Variants in PACSIN2 observed in about 807,000 individuals in gnomAD.
PACSIN2 encodes protein kinase C and casein kinase substrate in neurons protein 2.
Under a neutral mutation model 63.8 loss-of-function variants are expected in PACSIN2, and 25 were observed. The ratio of observed to expected loss-of-function variants is 0.39; its 90% CI spans 0.29 to 0.55. The LOEUF is 0.55. Ranked by LOEUF, PACSIN2 falls within the 20% of genes least tolerant of loss-of-function variation. PACSIN2 has a pLI of 0.62. For missense variants in PACSIN2, 518 were observed against 646.9 expected (o/e 0.80, Z 2.16); for synonymous variants, 255 against 256.2 (o/e 1.00, Z 0.05).
rs927478498 is a variant in PACSIN2 at position 42,989,881 on chromosome 22, T to C, written c.-78+25140A>G. 4.0e-5 allele frequency among the ~76,000 whole-genome samples: 6 copies of C among 148,256 alleles called. No homozygotes were observed. In the South Asian group the frequency reaches 1.0e-3, roughly 26 times the overall value. On this transcript the variant is annotated intron_variant, in intron 1 of 10. Transcript: ENST00000263246. ...GGGGAAAAAAAAATATATATATATA[T>C]ATATACACACACACACACATATATG...
chr22:42,974,582 C>G (rs1921551412), intron 1 of PACSIN2, among the ~76,000 whole-genome samples: 1 of 151,928 alleles, frequency 6.6e-6, no homozygotes, highest in African/African-American at 2.4e-5. Flanking sequence ...AACCCTGCCT[C>G]TATTAAAAAT....
intron 2 of PACSIN2, among the ~76,000 whole-genome samples, chr22:42,908,890 G>C (rs893494656): frequency 2.6e-5 from 4 of 152,172 alleles, no homozygotes; most frequent in African/African-American, 9.7e-5. Flanking sequence ...GAGAGGCAGA[G>C]CTGGGGGTGG....
intron 1 of PACSIN2, among the ~76,000 whole-genome samples, chr22:43,012,514 T>C (rs187261399): frequency 3.7e-3 from 564 of 152,232 alleles, no homozygotes; most frequent in Non-Finnish European, 5.8e-3. Flanking sequence ...AGAGTCTCAC[T>C]CTGTCACCCA....
At chr22:42,906,335 C>G (rs1017201155) in intron 2 of PACSIN2, among the ~76,000 whole-genome samples, 4 of 152,258 alleles carry the variant, frequency 2.6e-5, no homozygotes, top group African/African-American at 9.6e-5. Flanking sequence ...GCTCTAATCT[C>G]AACGTCAAAG....
intron 1 of PACSIN2, among the ~76,000 whole-genome samples, chr22:42,969,240 A>G (rs1921060378): frequency 6.6e-6 from 1 of 152,226 alleles, no homozygotes; most frequent in Non-Finnish European, 1.5e-5. Context: ...TATAAACTTA[A>G]AAGTGTATCT....
In PACSIN2 at chr22:43,006,673, G is replaced by A. The variant is rs142570501; in HGVS notation, c.-78+8348C>T. On this transcript the variant is annotated intron_variant, in intron 1 of 10. Coordinates refer to ENST00000263246, the MANE Select transcript of PACSIN2 (RefSeq NM_001184970.3). Reference sequence around the variant, plus strand: ...CTACCAAAAATACAAAAATTAGCCCGGCATGATGGCGCATGCCTATAATCC... The same window carrying A: ...CTACCAAAAATACAAAAATTAGCCCAGCATGATGGCGCATGCCTATAATCC... Among the ~76,000 whole-genome samples, 738 of 152,176 alleles carry A rather than the reference G, an allele frequency of 4.8e-3. 1 individual carries two copies. Among genetic ancestry groups the A allele is most frequent in the African/African-American group, 0.015 (619 of 41,514 alleles).
intron 2 of PACSIN2, among the ~76,000 whole-genome samples, chr22:42,908,472 G>A (rs1931233939): frequency 6.6e-6 from 1 of 152,230 alleles, no homozygotes; most frequent in Non-Finnish European, 1.5e-5. Flanking sequence ...CCAAAGAGAA[G>A]GCCTGGAAGC....
chr22:42,941,182 G>A (rs995350746), intron 1 of PACSIN2, among the ~76,000 whole-genome samples: 3 of 151,812 alleles, frequency 2.0e-5, no homozygotes, highest in Non-Finnish European at 4.4e-5. Flanking sequence ...TTTCCAGAAT[G>A]TCTTCAAGGT....
intron 1 of PACSIN2, chr22:42,993,499 C>G (rs1469395183): frequency 1.3e-5 from 2 of 152,206 alleles, no homozygotes; most frequent in Admixed American, 6.5e-5. Flanking sequence ...TAAGAATATC[C>G]TTTAGAAACT....
intron 8 of PACSIN2, 134 bp from the exon 9 acceptor site, chr22:42,877,144 A>G: frequency 2.2e-6 from 2 of 922,162 alleles, no homozygotes; most frequent in South Asian, 1.5e-5. Context: ...GTGTTTCAAC[A>G]GAAAGGTTAC....
At chr22:42,905,425 A>T (rs1931005902) in intron 2 of PACSIN2, among the ~76,000 whole-genome samples, 1 of 152,238 alleles carries the variant, frequency 6.6e-6, no homozygotes, top group Non-Finnish European at 1.5e-5. Context: ...CTGTGACCTC[A>T]GACAAAATAA....
chr22:43,002,886 A>C (rs1266143111), intron 1 of PACSIN2, among the ~76,000 whole-genome samples: 1 of 152,240 alleles, frequency 6.6e-6, no homozygotes, highest in Non-Finnish European at 1.5e-5. Flanking sequence ...CATGGAAAAT[A>C]CTTGAGAAAA....
At chr22:42,977,179 A>C (rs773913948) in intron 1 of PACSIN2, among the ~76,000 whole-genome samples, 11 of 144,578 alleles carry the variant, frequency 7.6e-5, no homozygotes, top group Admixed American at 2.0e-4. Flanking sequence ...TTACAAAGAA[A>C]TAGAAATAGA....
Position 42,892,179 on chromosome 22 carries a change from G to A in PACSIN2, c.218-997C>T, listed in dbSNP as rs181882565. Among the ~76,000 whole-genome samples the A allele has an allele frequency of 9.9e-5, 15 of 152,244 alleles. No homozygotes were observed. In the East Asian group the frequency reaches 2.9e-3, roughly 29 times the overall value. On this transcript the variant is annotated intron_variant, in intron 3 of 10. Coordinates refer to ENST00000263246, the MANE Select transcript of PACSIN2 (RefSeq NM_001184970.3). ...TCCAGGCTGGCATTTCTATTCAGGG[G>A]GTAGGGTGGGGTGGCGTGAGGCTGG...
At chr22:42,943,892 G>C (rs1933289494) in intron 1 of PACSIN2, among the ~76,000 whole-genome samples, 1 of 152,168 alleles carries the variant, frequency 6.6e-6, no homozygotes, top group Non-Finnish European at 1.5e-5. Context: ...GAAAGAAAAA[G>C]ACACAATTGA....
intron 2 of PACSIN2, among the ~76,000 whole-genome samples, chr22:42,898,301 C>T (rs1456933301): frequency 1.4e-5 from 2 of 147,896 alleles, no homozygotes; most frequent in East Asian, 1.9e-4. Context: ...GAGACAGTTT[C>T]GCTCTTGTTG....
In PACSIN2 at chr22:42,871,446, C is replaced by T; in HGVS notation, c.1372G>A (p.Asp458Asn). ...KAGDELTKME[D>N]EDEQGWCKGR... ...TTGCACCAGCCCTGCTCATCCTCGT[C>T]CTCCATCTTGGTCAGCTCATCCCCT... is the stretch of plus-strand genomic sequence containing the variant. Residue 458 changes from aspartate to asparagine, a missense_variant, in exon 11 of 11, where the codon GAC becomes AAC. Physicochemically the swap from Asp to Asn is conservative, Grantham distance 23 (BLOSUM62 1). Transcript: ENST00000263246. The surrounding 1 kb of genome is among the most constrained non-coding windows in gnomAD (Gnocchi z 5.4). The T allele has an allele frequency of 1.9e-6, 3 of 1,614,134 alleles. No homozygotes were observed. The highest frequency in any genetic ancestry group is 2.5e-6 in the Non-Finnish European group (3 of 1,179,962).
intron 1 of PACSIN2, among the ~76,000 whole-genome samples, chr22:42,913,968 G>C (rs936785582): frequency 2.6e-5 from 4 of 152,242 alleles, no homozygotes; most frequent in Non-Finnish European, 5.9e-5. Flanking sequence ...ACACACTGCT[G>C]TGCAGCAACA....
intron 3 of PACSIN2, 27 bp from the exon 4 acceptor site, chr22:42,891,209 C>T: frequency 6.5e-7 from 1 of 1,530,730 alleles, no homozygotes; most frequent in East Asian, 2.3e-5. Context: ...AGCTGCGGGT[C>T]ACTCAGCGCC....
Sources: allele counts gnomAD v4.1 joint callset (sites outside exome capture counted in the v4.1 genomes callset), GRCh38; gene constraint gnomAD v4.1.1; non-coding constraint Gnocchi (gnomAD v3.1); transcripts MANE v1.5; gene names NCBI Gene and HGNC (gene_info 2026-07-23, HGNC 2026-07-21).